Variants in EMC3 observed in about 807,000 individuals in gnomAD.
The protein encoded by EMC3 is 30 kDa protein.
Under a neutral mutation model 36.6 loss-of-function variants are expected in EMC3, and 13 were observed. The observed-to-expected ratio is 0.35, with a 90% CI of 0.23 to 0.56. EMC3 has a LOEUF of 0.56. Among genes scored for constraint, EMC3 ranks in the 20% least tolerant of loss-of-function variants. The pLI is 0.84. For missense variants in EMC3, 220 were observed against 324.5 expected, an observed-to-expected ratio of 0.68 and a Z score of 2.47; for synonymous variants, 120 against 111.9, an observed-to-expected ratio of 1.07 and a Z score of -0.46.
At chr3:9,981,621 G>C (rs2085912616) in intron 1 of EMC3, 1 of 265,820 alleles carries the variant, frequency 3.8e-6, no homozygotes, top group Non-Finnish European at 7.4e-6. Flanking sequence ...TTTTTGCAGA[G>C]ACAGGGTCTT....
At chr3:9,974,633 A>T in intron 3 of EMC3, 145 bp from the exon 4 acceptor site, 1 of 544,146 alleles carries the variant, frequency 1.8e-6, no homozygotes, top group Non-Finnish European at 3.3e-6. Flanking sequence ...ATCTCAGCTC[A>T]CTGCAAGCTC....
chr3:9,973,585 A>C lies in EMC3; in HGVS notation c.494+43T>G, dbSNP rs774860173. On this transcript the variant is annotated intron_variant, in intron 5 of 7. Transcript: ENST00000245046. ...AGTGATCCTCCCGCCTTGGCTTCCC[A>C]AAGTGTGGTTTGTGTTTTTATTAAA... 5 of 1,576,026 alleles carry C rather than the reference A, an allele frequency of 3.2e-6. No individual in the cohort carries two copies. The African/African-American group carries it at 6.7e-5, about 21-fold the overall frequency.
intron 7 of EMC3, among the ~76,000 whole-genome samples, chr3:9,967,688 T>G (rs968404569): frequency 6.6e-6 from 1 of 152,232 alleles, no homozygotes; most frequent in Non-Finnish European, 1.5e-5. Context: ...CCTATTGTGA[T>G]TCCCTTGAAT....
At chr3:9,986,980 C>T, upstream of EMC3, 3 of 1,107,564 alleles carry the variant, frequency 2.7e-6, no homozygotes, top group Non-Finnish European at 3.3e-6. Flanking sequence ...CTTTGGGAGG[C>T]CAAGGTGGGG....
chr3:9,975,534 C>G (rs1328652807), intron 3 of EMC3, among the ~76,000 whole-genome samples: 2 of 151,570 alleles, frequency 1.3e-5, no homozygotes, highest in Non-Finnish European at 2.9e-5. Flanking sequence ...ATATCTTGGC[C>G]AGGCACGGTG....
intron 7 of EMC3, among the ~76,000 whole-genome samples, chr3:9,967,400 T>C (rs924711612): frequency 6.6e-6 from 1 of 152,210 alleles, no homozygotes; most frequent in African/African-American, 2.4e-5. Flanking sequence ...TGGTGTGAAA[T>C]AGGTGCCCAG....
At chr3:9,991,167 TC>T (rs2086047610), upstream of EMC3, among the ~76,000 whole-genome samples, 1 of 152,132 alleles carries the variant, frequency 6.6e-6, no homozygotes, top group East Asian at 1.9e-4. Flanking sequence ...TTGCTGTGTT[TC>T]CCAGGCTGGT....
chr3:9,977,289 G>A, intron 2 of EMC3, 100 bp downstream of exon 2: 1 of 1,144,804 alleles, frequency 8.7e-7, no homozygotes. Flanking sequence ...TTACTAAGTT[G>A]CCAACCTTTA....
At chr3:9,989,138 C>T (rs993016038), upstream of EMC3, among the ~76,000 whole-genome samples, 1 of 152,194 alleles carries the variant, frequency 6.6e-6, no homozygotes, top group Non-Finnish European at 1.5e-5. Flanking sequence ...AATGGCATTC[C>T]ATGTTTTACT....
chr3:9,973,575 T>A, intron 5 of EMC3, 53 bp downstream of exon 5: 1 of 1,528,096 alleles, frequency 6.5e-7, no homozygotes, highest in Non-Finnish European at 9.1e-7. Flanking sequence ...TCCTCCCGCC[T>A]TGGCTTCCCA....
At chr3:10,002,925 T>C (rs768097681) in intron 1 of EMC3, 32 of 450,438 alleles carry the variant, frequency 7.1e-5, no homozygotes, top group Non-Finnish European at 1.2e-4. Flanking sequence ...CCTGTAGCAG[T>C]GGTGGAGTCC....
chr3:9,982,712 C>A (rs59054213), intron 1 of EMC3, among the ~76,000 whole-genome samples: 8,373 of 151,806 alleles, frequency 0.055, 764 homozygotes, highest in African/African-American at 0.19. Context: ...ACGGAGGAGA[C>A]CCCATCTTTG....
chr3:10,007,622 C>T lies in EMC3; in HGVS notation c.-242+3401G>A, dbSNP rs1263502200. 4 of 1,365,148 alleles carry T rather than the reference C, an allele frequency of 2.9e-6. No individual in the cohort carries two copies. The highest frequency in any genetic ancestry group is 2.1e-4 in the Middle Eastern group (1 of 4,778). The allele number at this position is 1,365,148 out of a possible 1,614,324, so 84.6% of individuals were successfully genotyped here. On this transcript the variant is annotated intron_variant, in intron 1 of 8. Transcript: ENST00000470827. ...GGTTGATGGCAAGACACAGCAGCAG[C>T]CCTGAGGGATGGAGGGGGTGGTGGG...
rs1487465653 is a variant in EMC3 at position 9,986,638 on chromosome 3, G to C, written c.24C>G (p.Leu8=). 5.6e-6 allele frequency: 9 copies of C among 1,614,156 alleles called. No individual in the cohort carries two copies. Among genetic ancestry groups the C allele is most frequent in the Non-Finnish European group, 6.8e-6 (8 of 1,180,030 alleles). The change falls in exon 1 of 8, where the codon CTC becomes CTG. Residue 8 remains leucine, a synonymous_variant. Coordinates refer to ENST00000245046, the MANE Select transcript of EMC3 (RefSeq NM_001394674.1). ...CCACCCAGAGGCGGATGTTGGAGTC[G>C]AGCAACAGTTCTGGCCCTGCCATCT... MAGPELL[L]DSNIRLWVVL...
At chr3:10,003,458 A>G (rs537232038) in intron 1 of EMC3, 2 of 356,620 alleles carry the variant, frequency 5.6e-6, no homozygotes, top group East Asian at 1.5e-4. Context: ...CTACACTTAG[A>G]GTAGTTTTAT....
At chr3:10,008,550 C>A in intron 1 of EMC3, 5 of 1,196,176 alleles carry the variant, frequency 4.2e-6, no homozygotes, top group Non-Finnish European at 4.6e-6. Flanking sequence ...TCCCAAAAGA[C>A]AGCCCAGAGA....
chr3:10,007,833 A>G (rs2086281289), intron 1 of EMC3, among the ~76,000 whole-genome samples: 1 of 152,074 alleles, frequency 6.6e-6, no homozygotes, highest in African/African-American at 2.4e-5. Flanking sequence ...GAGTGTGGCA[A>G]CCTTGAACAT....
intron 1 of EMC3, chr3:10,010,960 G>A (rs1305390434): frequency 6.6e-6 from 1 of 152,344 alleles, no homozygotes; most frequent in Non-Finnish European, 1.5e-5. Context: ...GGCCTCCAAA[G>A]GACCCATGGG....
rs534849638 is a variant in EMC3, at chr3:9,998,446, T to A, written c.-241-11544A>T. On this transcript the variant is annotated intron_variant, in intron 1 of 8. Coordinates refer to the EMC3 transcript ENST00000470827. ...GAATTAATAATTTAATTTTTTTTTT[T>A]ATGTATAGGATCTTGCTCTGTCACC... is the stretch of plus-strand genomic sequence containing the variant. 1.5e-3 allele frequency among the ~76,000 whole-genome samples: 224 copies of A among 150,304 alleles called. 2 individuals are homozygous for A. The highest frequency in any genetic ancestry group is 5.3e-3 in the African/African-American group (218 of 41,120).
Sources: allele counts gnomAD v4.1 joint callset (sites outside exome capture counted in the v4.1 genomes callset), GRCh38; gene constraint gnomAD v4.1.1; transcripts MANE v1.5; gene names NCBI Gene and HGNC (gene_info 2026-07-23, HGNC 2026-07-21).